Variants in DARS1 observed in about 807,000 individuals in gnomAD.
DARS1 encodes aspartyl-tRNA synthetase 1, also known as aspartate--tRNA ligase, cytoplasmic.
Under a neutral mutation model 68.8 loss-of-function variants are expected in DARS1, and 51 were observed. That is an observed-to-expected ratio of 0.74 (90% CI 0.59 to 0.94). The LOEUF is 0.94. DARS1 is among the 40% of genes least tolerant of loss of function. The pLI, the probability that DARS1 is intolerant of heterozygous loss-of-function variation, is 0.00. For synonymous variants in DARS1, 203 were observed against 190.4 expected (o/e 1.07, Z -0.55); for missense variants, 607 against 597.3 (o/e 1.02, Z -0.17).
In DARS1 at chr2:135,939,413, A is replaced by G. The variant is rs549859838; in HGVS notation, c.423+3965T>C. On this transcript the variant is annotated intron_variant, in intron 5 of 15. Coordinates refer to ENST00000264161, the MANE Select transcript of DARS1 (RefSeq NM_001349.4). Reference sequence around the variant, plus strand: ...ACAACCTGCTCCTGAATGACTACTGAGTACATAATGAAATGAAGGCGGAAA... The same window carrying G: ...ACAACCTGCTCCTGAATGACTACTGGGTACATAATGAAATGAAGGCGGAAA... Among the ~76,000 whole-genome samples, 41 of 152,290 alleles carry G rather than the reference A, an allele frequency of 2.7e-4. 1 individual carries two copies. The highest frequency in any genetic ancestry group is 6.8e-3 in the Middle Eastern group (2 of 294).
At chr2:135,972,606 A>C (rs1246563083) in intron 3 of DARS1, among the ~76,000 whole-genome samples, 5 of 152,328 alleles carry the variant, frequency 3.3e-5, no homozygotes, top group Admixed American at 6.5e-5. Context: ...GCTTCTGCAC[A>C]GTAAAGGTAA....
At chr2:135,963,592 G>A (rs528318666) in intron 3 of DARS1, among the ~76,000 whole-genome samples, 6 of 151,942 alleles carry the variant, frequency 3.9e-5, no homozygotes, top group East Asian at 3.9e-4. Context: ...GGCTGGTCTC[G>A]AACTCCTGAC....
chr2:135,909,807 G>T (rs925568486), intron 15 of DARS1, among the ~76,000 whole-genome samples: 1 of 152,084 alleles, frequency 6.6e-6, no homozygotes, highest in Non-Finnish European at 1.5e-5. Flanking sequence ...AAATAGGTTT[G>T]AGTATTCCTA....
At chr2:135,925,899 A>G (rs1187883911) in intron 7 of DARS1, among the ~76,000 whole-genome samples, 2 of 152,232 alleles carry the variant, frequency 1.3e-5, no homozygotes, top group African/African-American at 2.4e-5. Context: ...AATATATTCT[A>G]TAAGAGGGTC....
chr2:135,939,384 C>CT (rs1367012451), intron 5 of DARS1, among the ~76,000 whole-genome samples: 1 of 152,200 alleles, frequency 6.6e-6, no homozygotes, highest in Non-Finnish European at 1.5e-5. Context: ...TACATGGAAA[C>CT]TGAACAACCT....
intron 3 of DARS1, among the ~76,000 whole-genome samples, chr2:135,966,772 G>A (rs181832864): frequency 1.3e-5 from 2 of 152,256 alleles, no homozygotes. Flanking sequence ...GACTTCAAGT[G>A]ATCCACCTGC....
intron 7 of DARS1, among the ~76,000 whole-genome samples, chr2:135,929,675 A>G (rs1261924966): frequency 6.6e-6 from 1 of 152,148 alleles, no homozygotes; most frequent in Admixed American, 6.5e-5. Flanking sequence ...TATACTACAA[A>G]ATTACGAAAC....
At chr2:135,939,647 A>G (rs309146) in intron 5 of DARS1, among the ~76,000 whole-genome samples, 2 of 152,232 alleles carry the variant, frequency 1.3e-5, no homozygotes, top group African/African-American at 4.8e-5. Context: ...GAAGGCAAGA[A>G]TAACTAAGAT....
Position 135,916,386 on chromosome 2 carries a change from G to C in DARS1, c.960-14C>G. On this transcript the variant is annotated splice_polypyrimidine_tract_variant and intron_variant, in intron 10 of 15. Transcript: ENST00000264161. ...TCAGTCTGAAACCTATTTGCAGAAT[G>C]ATTTAGTTAATAAAATGTATGAGAT... The C allele has an allele frequency of 6.9e-7, 1 of 1,443,256 alleles. No homozygotes were observed. The highest frequency in any genetic ancestry group is 9.7e-7 in the Non-Finnish European group (1 of 1,026,790). The allele number at this position is 1,443,256 out of a possible 1,614,324, so 89.4% of individuals were successfully genotyped here.
Position 135,924,462 on chromosome 2 carries a change from C to A in DARS1, c.601G>T (p.Gly201Cys). ...GTTTCTCGGAAGAGATGGCAGATGCCAGACTGGAGACGGAAGACTGCCTGA... is the reference window on the plus strand; with the variant it reads ...GTTTCTCGGAAGAGATGGCAGATGCAAGACTGGAGACGGAAGACTGCCTGA... ...TSQAVFRLQSGICHLFRETLI... is the reference protein window; with the variant it reads ...TSQAVFRLQSCICHLFRETLI... The change falls in exon 8 of 16, where the codon GGC (glycine) becomes TGC (cysteine). Residue 201 changes from glycine to cysteine, a missense_variant. By Grantham distance (159) the Gly-to-Cys change is radical. Coordinates refer to ENST00000264161, the MANE Select transcript of DARS1 (RefSeq NM_001349.4). 6.2e-7 allele frequency: 1 copy of A among 1,608,724 alleles called. No individual in the cohort carries two copies. The highest frequency in any genetic ancestry group is 1.1e-5 in the South Asian group (1 of 89,750).
At chr2:135,930,312 G>A (rs565278211) in intron 7 of DARS1, among the ~76,000 whole-genome samples, 2 of 152,348 alleles carry the variant, frequency 1.3e-5, no homozygotes, top group East Asian at 3.9e-4. Flanking sequence ...AGGTAGCATT[G>A]AGGATAATGT....
intron 5 of DARS1, among the ~76,000 whole-genome samples, chr2:135,935,259 C>T (rs993440803): frequency 1.3e-5 from 2 of 152,064 alleles, no homozygotes; most frequent in African/African-American, 2.4e-5. Context: ...CTGCCAGTCT[C>T]CTGGTTAGGA....
chr2:135,978,935 T>G (rs309112), intron 3 of DARS1: 3,807 of 178,066 alleles, frequency 0.021, 136 homozygotes, highest in African/African-American at 0.084. Context: ...AAAAACACTC[T>G]TCACTTAAAT....
intron 13 of DARS1, among the ~76,000 whole-genome samples, chr2:135,912,199 A>G (rs755427565): frequency 2.6e-5 from 4 of 152,232 alleles, no homozygotes; most frequent in African/African-American, 4.8e-5. Flanking sequence ...AAAGTATGCA[A>G]ATCTAGTAGT....
chr2:135,985,570 C>T lies in DARS1; in HGVS notation c.-102G>A, dbSNP rs762630759. ...CCCTCCCAGTCTCCGCCCTCCCGAC[C>T]CTGGGGTCTCAGCACACGCGCTCGG... On this transcript the variant is annotated 5_prime_UTR_variant, in exon 1 of 16. Coordinates refer to ENST00000264161, the MANE Select transcript of DARS1 (RefSeq NM_001349.4). 6.3e-7 allele frequency: 1 copy of T among 1,588,590 alleles called. No individual in the cohort carries two copies.
At chr2:135,918,469 A>C (rs540015495) in intron 10 of DARS1, among the ~76,000 whole-genome samples, 1 of 152,336 alleles carries the variant, frequency 6.6e-6, no homozygotes, top group East Asian at 1.9e-4. Context: ...GACACAGGTC[A>C]GATAACCCAA....
intron 1 of DARS1, 31 bp downstream of exon 1, chr2:135,985,372 C>A (rs1211084560): frequency 6.2e-7 from 1 of 1,610,646 alleles, no homozygotes; most frequent in African/African-American, 1.3e-5. Flanking sequence ...AGGGGTCTGT[C>A]CTCCCAGGCC....
chr2:135,959,703 A>G (rs947840916), intron 4 of DARS1, among the ~76,000 whole-genome samples: 1 of 152,188 alleles, frequency 6.6e-6, no homozygotes, highest in East Asian at 1.9e-4. Context: ...AACACATCAC[A>G]TGGATTAACC....
intron 3 of DARS1, among the ~76,000 whole-genome samples, chr2:135,977,563 G>A (rs1218941088): frequency 2.6e-5 from 4 of 152,178 alleles, no homozygotes; most frequent in Non-Finnish European, 5.9e-5. Flanking sequence ...AGTATAACGG[G>A]AGAGAGACGA....
Sources: gnomAD v4.1 joint callset for allele counts (sites outside exome capture counted in the v4.1 genomes callset) on GRCh38, gnomAD v4.1.1 for gene constraint, MANE v1.5 for transcripts, NCBI Gene and HGNC (gene_info 2026-07-23, HGNC 2026-07-21) for gene names.